The following AP2B1 variants were observed in gnomAD, a reference collection of about 807,000 sequenced individuals.
The protein encoded by AP2B1 is adaptor related protein complex 2 subunit beta 1.
AP2B1 carries 23 observed loss-of-function variants against 102.0 expected under a neutral mutation model. The ratio of observed to expected loss-of-function variants is 0.23; its 90% CI spans 0.16 to 0.32. The LOEUF (loss-of-function observed/expected upper bound fraction) is 0.32, where lower values mean the gene tolerates loss of function less well. Among genes scored for constraint, AP2B1 ranks in the 10% least tolerant of loss-of-function variants. The pLI, the probability that AP2B1 is intolerant of heterozygous loss-of-function variation, is 1.00. For missense variants in AP2B1, 541 were observed against 1,157.4 expected (o/e 0.47, Z 7.73); for synonymous variants, 381 against 421.2 (o/e 0.90, Z 1.17).
intron 3 of AP2B1, among the ~76,000 whole-genome samples, chr17:35,605,344 G>T (rs2073639398): frequency 6.6e-6 from 1 of 151,556 alleles, no homozygotes; most frequent in South Asian, 2.1e-4. Context: ...TGCCTCCCAG[G>T]TTCAAACGAT....
At chr17:35,703,264 CAAAAAA>C (rs57503007) in intron 18 of AP2B1, among the ~76,000 whole-genome samples, 1 of 101,930 alleles carries the variant, frequency 9.8e-6, no homozygotes, top group African/African-American at 3.9e-5. Context: ...GACTCCATCT[CAAAAAA>C]AAAAAAAAAA....
rs1426451893 is a variant in AP2B1, at chr17:35,608,249, C to T, written c.387C>T (p.Cys129=). 6.2e-7 allele frequency: 1 copy of T among 1,614,154 alleles called. No homozygotes were observed. The highest frequency in any genetic ancestry group is 1.7e-4 in the Middle Eastern group (1 of 6,060). ...ATCTCTGTGAGCCGCTCCGCAAGTG[C>T]TTGAAGGATGAGGATCCCTATGTTC... ...TEYLCEPLRK[C]LKDEDPYVRK... is the part of the protein sequence containing the mutation. The change falls in exon 5 of 22, where the codon TGC becomes TGT. Residue 129 remains cysteine, a synonymous_variant. Coordinates refer to ENST00000610402, the MANE Select transcript of AP2B1 (RefSeq NM_001030006.2).
At chr17:35,653,115 C>A (rs1053461451) in intron 13 of AP2B1, among the ~76,000 whole-genome samples, 3 of 152,180 alleles carry the variant, frequency 2.0e-5, no homozygotes, top group Non-Finnish European at 4.4e-5. Flanking sequence ...TGAACCCTTT[C>A]TTTCTGTGTT....
chr17:35,597,301 T>C (rs943234309), intron 2 of AP2B1, among the ~76,000 whole-genome samples: 1 of 152,216 alleles, frequency 6.6e-6, no homozygotes, highest in Non-Finnish European at 1.5e-5. Flanking sequence ...TTAGTGTTTT[T>C]TTTCCGTTTC....
At chr17:35,712,489 G>T (rs1043449029) in intron 20 of AP2B1, among the ~76,000 whole-genome samples, 2 of 152,050 alleles carry the variant, frequency 1.3e-5, no homozygotes, top group South Asian at 2.1e-4. Flanking sequence ...TTAGCCAGGC[G>T]TGGTGGCGGG....
intron 17 of AP2B1, among the ~76,000 whole-genome samples, chr17:35,674,779 G>A (rs1475259976): frequency 6.6e-6 from 1 of 152,220 alleles, no homozygotes. Context: ...AGCCTTTTCA[G>A]TTATCAGCTT....
chr17:35,617,702 T>C (rs2074063198), intron 5 of AP2B1, among the ~76,000 whole-genome samples: 1 of 152,222 alleles, frequency 6.6e-6, no homozygotes, highest in Non-Finnish European at 1.5e-5. Flanking sequence ...GGCTCATTTG[T>C]CACTTTAAGA....
At chr17:35,681,704 C>T (rs1052600276) in intron 17 of AP2B1, among the ~76,000 whole-genome samples, 1 of 152,032 alleles carries the variant, frequency 6.6e-6, no homozygotes, top group Non-Finnish European at 1.5e-5. Context: ...CACCTGGCCT[C>T]AGGGTGGAAA....
intron 5 of AP2B1, among the ~76,000 whole-genome samples, chr17:35,612,322 C>CCTTA (rs1025634132): frequency 1.3e-5 from 2 of 152,158 alleles, no homozygotes; most frequent in Admixed American, 1.3e-4. Context: ...GCCTCACTTG[C>CCTTA]CTTACTCTTG....
chr17:35,602,258 T>G (rs574367368), intron 3 of AP2B1, among the ~76,000 whole-genome samples: 1 of 152,304 alleles, frequency 6.6e-6, no homozygotes, highest in Admixed American at 6.5e-5. Flanking sequence ...AATATACTTA[T>G]GTAATTAGGC....
chr17:35,602,271 T>C (rs533756478), intron 3 of AP2B1, among the ~76,000 whole-genome samples: 1 of 152,318 alleles, frequency 6.6e-6, no homozygotes, highest in Admixed American at 6.5e-5. Context: ...AATTAGGCAC[T>C]GAAGTGTATA....
In AP2B1 at chr17:35,724,100, T is replaced by G. The variant is rs587706783; in HGVS notation, c.*401T>G. The G allele has an allele frequency of 5.7e-6, 1 of 176,382 alleles. No individual in the cohort carries two copies. Among genetic ancestry groups the G allele is most frequent in the African/African-American group, 2.3e-5 (1 of 42,778 alleles). The allele number at this position is 176,382 out of a possible 1,614,324, so 10.9% of individuals were successfully genotyped here. ...AAAGTGTAACTGAAACACTGCACTT[T>G]ACTGTTTTATACTTTTGTACATATG... On this transcript the variant is annotated 3_prime_UTR_variant, in exon 22 of 22. Transcript: ENST00000610402.
At chr17:35,699,343 ATCTG>A (rs2076197837) in intron 18 of AP2B1, among the ~76,000 whole-genome samples, 1 of 152,172 alleles carries the variant, frequency 6.6e-6, no homozygotes, top group African/African-American at 2.4e-5. Flanking sequence ...CCACTGCCTA[ATCTG>A]TCAAATTTTC....
intron 14 of AP2B1, among the ~76,000 whole-genome samples, chr17:35,669,774 G>A (rs1028379592): frequency 2.6e-5 from 4 of 152,114 alleles, no homozygotes; most frequent in African/African-American, 7.2e-5. Flanking sequence ...AATTTTTACA[G>A]CTCAACGACC....
In AP2B1 at chr17:35,624,471, C is replaced by T. The variant is rs776542260; in HGVS notation, c.600C>T (p.Asn200=). 4 of 1,614,102 alleles carry T rather than the reference C, an allele frequency of 2.5e-6. No homozygotes were observed. In the East Asian group the frequency reaches 8.9e-5, roughly 36 times the overall value. The change falls in exon 6 of 22, where the codon AAC becomes AAT. Residue 200 remains asparagine (N), a synonymous_variant. Coordinates refer to ENST00000610402, the MANE Select transcript of AP2B1 (RefSeq NM_001030006.2). ...SHPNSNLLDL[N]PQNINKLLTA... ...CAAACAGCAACTTACTTGATCTGAACCCACAGAACATTAATAAGCTGCTGA... is the reference window on the plus strand; with the variant it reads ...CAAACAGCAACTTACTTGATCTGAATCCACAGAACATTAATAAGCTGCTGA...
At chr17:35,606,752 T>G (rs2142393016) in intron 4 of AP2B1, among the ~76,000 whole-genome samples, 1 of 152,276 alleles carries the variant, frequency 6.6e-6, no homozygotes, top group South Asian at 2.1e-4. Flanking sequence ...TAGTTTTGTC[T>G]TTATATTTGT....
At chr17:35,616,140 CTCTTTTTTTTTT>C (rs2074006486) in intron 5 of AP2B1, among the ~76,000 whole-genome samples, 1 of 79,334 alleles carries the variant, frequency 1.3e-5, no homozygotes, top group African/African-American at 4.5e-5. Flanking sequence ...TAAAAAATAT[CTCTTTTTTTTTT>C]TTTTTTTTTT....
chr17:35,627,737 G>C lies in AP2B1; in HGVS notation c.1155+11G>C. ...GCCATCAAGGTGGAGGCAAGTGTCT[G>C]ATGGTAGTTAGGATCATGTATTGGG... On this transcript the variant is annotated intron_variant, in intron 9 of 21. Transcript: ENST00000610402. 1.2e-6 allele frequency: 2 copies of C among 1,611,688 alleles called. No individual in the cohort carries two copies. The highest frequency in any genetic ancestry group is 2.2e-5 in the South Asian group (2 of 90,924).
intron 3 of AP2B1, among the ~76,000 whole-genome samples, chr17:35,605,095 G>T (rs909994581): frequency 1.3e-5 from 2 of 152,008 alleles, no homozygotes; most frequent in Admixed American, 6.6e-5. Context: ...TTGTAGAGAG[G>T]ATCTCGCCAT....
Sources: allele counts gnomAD v4.1 joint callset (sites outside exome capture counted in the v4.1 genomes callset), GRCh38; gene constraint gnomAD v4.1.1; transcripts MANE v1.5; gene names NCBI Gene and HGNC (gene_info 2026-07-23, HGNC 2026-07-21).